The following SEPTIN9 variants were observed in gnomAD, a reference collection of about 807,000 sequenced individuals.
SEPTIN9 encodes the protein septin-9.
In SEPTIN9, 13 loss-of-function variants were observed where a neutral mutation model predicts 56.6. That is an observed-to-expected ratio of 0.23 (90% CI 0.15 to 0.37). The LOEUF (loss-of-function observed/expected upper bound fraction) is 0.37. Ranked by LOEUF, SEPTIN9 falls within the 10% of genes least tolerant of loss-of-function variation. The pLI, the probability that SEPTIN9 is intolerant of heterozygous loss-of-function variation, is 1.00. For synonymous variants in SEPTIN9, 332 were observed against 334.1 expected (o/e 0.99, Z 0.07); for missense variants, 650 against 823.1 (o/e 0.79, Z 2.57).
At chr17:77,468,119 GC>G (rs1200173539) in intron 3 of SEPTIN9, among the ~76,000 whole-genome samples, 2 of 152,114 alleles carry the variant, frequency 1.3e-5, no homozygotes, top group African/African-American at 4.8e-5. Flanking sequence ...TAAAAAATTA[GC>G]CGGGCGTGGT....
At chr17:77,467,927 T>C (rs1038240441) in intron 3 of SEPTIN9, among the ~76,000 whole-genome samples, 3 of 152,164 alleles carry the variant, frequency 2.0e-5, no homozygotes, top group African/African-American at 7.2e-5. Flanking sequence ...GGGTAGTGAA[T>C]GCGACAGACC....
intron 3 of SEPTIN9, chr17:77,404,988 G>A (rs2036015684): frequency 8.4e-6 from 10 of 1,196,266 alleles, no homozygotes; most frequent in South Asian, 2.9e-5. Context: ...TTTGTTTGAC[G>A]TGCCGGATAC....
rs560004819 is a variant in SEPTIN9, at chr17:77,282,098, T to G, written c.19+544T>G. Among the ~76,000 whole-genome samples, 28 of 152,282 alleles carry G rather than the reference T, an allele frequency of 1.8e-4. No homozygotes were observed. In the South Asian group the frequency reaches 4.8e-3, roughly 26 times the overall value. ...CTCAGGACGCCGCCCGCGGCTGACA[T>G]CCTCACTCCACCCTAGCAGGGCCCG... On this transcript the variant is annotated intron_variant, in intron 1 of 11. Transcript: ENST00000427177.
Position 77,388,343 on chromosome 17 carries a change from C to A in SEPTIN9, c.77-13716C>A, listed in dbSNP as rs973215926. Among the ~76,000 whole-genome samples, 7 of 152,284 alleles carry A rather than the reference C, an allele frequency of 4.6e-5. No homozygotes were observed. In the East Asian group the frequency reaches 1.4e-3, roughly 29 times the overall value. Reference sequence around the variant, plus strand: ...TTACCCCTTCTGGAATCTTCTGCGTCCAGTTGCGGCCCCTCCTACACAGCA... The same window carrying A: ...TTACCCCTTCTGGAATCTTCTGCGTACAGTTGCGGCCCCTCCTACACAGCA... On this transcript the variant is annotated intron_variant, in intron 2 of 11. Transcript: ENST00000427177.
chr17:77,494,905 G>A (rs996295867), intron 10 of SEPTIN9, among the ~76,000 whole-genome samples: 2 of 152,230 alleles, frequency 1.3e-5, no homozygotes, highest in African/African-American at 2.4e-5. Flanking sequence ...GAGCTGCCCA[G>A]CTGGGTGCAG....
intron 1 of SEPTIN9, among the ~76,000 whole-genome samples, chr17:77,305,041 G>A (rs2032205667): frequency 6.6e-6 from 1 of 152,164 alleles, no homozygotes; most frequent in African/African-American, 2.4e-5. Context: ...GTCTTAAGGA[G>A]GCTGTCATTT....
At chr17:77,454,603 A>T (rs1354977773) in intron 3 of SEPTIN9, among the ~76,000 whole-genome samples, 1 of 152,230 alleles carries the variant, frequency 6.6e-6, no homozygotes, top group Non-Finnish European at 1.5e-5. Context: ...TGGTGGAATC[A>T]TGGGAGCCTT....
rs999583239 is a variant in SEPTIN9 at position 77,492,021 on chromosome 17, G to A, written c.1381-600G>A. Among the ~76,000 whole-genome samples the A allele has an allele frequency of 1.3e-5, 2 of 152,058 alleles. No homozygotes were observed. Among genetic ancestry groups the A allele is most frequent in the African/African-American group, 2.4e-5 (1 of 41,390 alleles). On this transcript the variant is annotated intron_variant, in intron 8 of 11. Transcript: ENST00000427177. The surrounding 1 kb of genome is among the most constrained non-coding windows in gnomAD (Gnocchi z 5.4). ...TGGGCTGCGGCACCACATCTGCCTCGGTGGGTGTGGGTGGGGCCTGTAACC... is the reference window on the plus strand; with the variant it reads ...TGGGCTGCGGCACCACATCTGCCTCAGTGGGTGTGGGTGGGGCCTGTAACC...
chr17:77,370,843 C>T (rs531373550), intron 2 of SEPTIN9, among the ~76,000 whole-genome samples: 30 of 152,296 alleles, frequency 2.0e-4, no homozygotes, highest in Admixed American at 1.4e-3. Flanking sequence ...GAGCCCCAGA[C>T]TGGACCCAGC....
intron 2 of SEPTIN9, among the ~76,000 whole-genome samples, chr17:77,353,803 A>G (rs542737294): frequency 1.7e-4 from 26 of 152,332 alleles, no homozygotes; most frequent in African/African-American, 6.3e-4. Flanking sequence ...GAGCTCCAAC[A>G]TCTTAATGAA....
At chr17:77,443,133 G>C (rs2037612695) in intron 3 of SEPTIN9, among the ~76,000 whole-genome samples, 1 of 152,200 alleles carries the variant, frequency 6.6e-6, no homozygotes, top group African/African-American at 2.4e-5. Context: ...AATGTGCCCA[G>C]TGCAGGAGGC....
chr17:77,308,871 A>G (rs976920484), intron 2 of SEPTIN9, among the ~76,000 whole-genome samples: 2 of 152,214 alleles, frequency 1.3e-5, no homozygotes, highest in Non-Finnish European at 2.9e-5. Context: ...CATTGAGTGC[A>G]TGTGAGGCCC....
intron 3 of SEPTIN9, among the ~76,000 whole-genome samples, chr17:77,407,968 G>A (rs543873998): frequency 1.3e-5 from 2 of 151,890 alleles, no homozygotes; most frequent in East Asian, 3.9e-4. Context: ...CTGGCTCAGA[G>A]CCCCCCCCAC....
Position 77,484,437 on chromosome 17 carries a change from TG to T in SEPTIN9, c.913+2104del. 6.1e-5 allele frequency among the ~76,000 whole-genome samples: 2 copies of T among 32,892 alleles called. 1 individual carries two copies. Among genetic ancestry groups the T allele is most frequent in the Non-Finnish European group, 1.1e-4 (2 of 18,036 alleles). The allele number at this position is 32,892 out of a possible 152,430, so 21.6% of individuals were successfully genotyped here. ...GTAGTGATGATGTGGGTGATGGTGA[TG>T]GTGGTGATGGTGGTGGTGGTGATTG... is the stretch of plus-strand genomic sequence containing the variant. On this transcript the variant is annotated intron_variant, in intron 4 of 11. Coordinates refer to ENST00000427177, the MANE Select transcript of SEPTIN9 (RefSeq NM_001113491.2).
At chr17:77,373,301 CG>C in intron 2 of SEPTIN9, 1 of 1,144,688 alleles carries the variant, frequency 8.7e-7, no homozygotes, top group Non-Finnish European at 1.1e-6. Flanking sequence ...GGGGGCGCAG[CG>C]CGCGGGGAGG....
intron 7 of SEPTIN9, among the ~76,000 whole-genome samples, chr17:77,490,112 C>G (rs932038804): frequency 3.9e-5 from 6 of 152,354 alleles, no homozygotes; most frequent in South Asian, 2.1e-4. Context: ...CCTTGGCCAT[C>G]TCTGCTTAAA....
At chr17:77,305,653 G>T (rs1195826158) in intron 1 of SEPTIN9, among the ~76,000 whole-genome samples, 5 of 151,846 alleles carry the variant, frequency 3.3e-5, no homozygotes, top group African/African-American at 1.2e-4. Context: ...GCTTAGTAGA[G>T]ATGGGTACCC....
intron 3 of SEPTIN9, among the ~76,000 whole-genome samples, chr17:77,418,711 A>G (rs779507035): frequency 6.6e-5 from 10 of 152,202 alleles, no homozygotes; most frequent in Non-Finnish European, 1.2e-4. Context: ...CTCACGGCCC[A>G]TTGATGTCTC....
In SEPTIN9 at chr17:77,369,742, T is replaced by C. The variant is rs7215816; in HGVS notation, c.77-32317T>C. 0.3 allele frequency among the ~76,000 whole-genome samples: 45,979 copies of C among 152,116 alleles called. 7,471 individuals carry two copies. Among genetic ancestry groups the C allele is most frequent in the African/African-American group, 0.39 (16,102 of 41,496 alleles). On this transcript the variant is annotated intron_variant, in intron 2 of 11. Transcript: ENST00000427177. This position sits in a 1 kb window ranked among gnomAD's most constrained non-coding sequence, Gnocchi z 4.9. ...CTCAGTGTTGCTGGGAGAAAGCCCC[T>C]CACCTTCCTTCGCTCTCCGAGCCTC...
Sources: gnomAD v4.1 joint callset for allele counts (sites outside exome capture counted in the v4.1 genomes callset) on GRCh38, gnomAD v4.1.1 for gene constraint, Gnocchi (gnomAD v3.1) non-coding constraint, MANE v1.5 for transcripts, NCBI Gene and HGNC (gene_info 2026-07-23, HGNC 2026-07-21) for gene names.